The following SLC44A1 variants were observed in gnomAD, a reference collection of about 807,000 sequenced individuals.
SLC44A1 encodes solute carrier family 44 member 1.
Under a neutral mutation model 79.3 loss-of-function variants are expected in SLC44A1, and 26 were observed. The observed-to-expected ratio is 0.33, with a 90% CI of 0.24 to 0.46. The LOEUF is 0.46. Among genes scored for constraint, SLC44A1 ranks in the 20% least tolerant of loss-of-function variants. The probability of loss-of-function intolerance (pLI) is 1.00; values close to 1 mark genes in which losing one functional copy is unlikely to be tolerated. For synonymous variants in SLC44A1, 263 were observed against 286.2 expected (o/e 0.92, Z 0.82); for missense variants, 688 against 798.1 (o/e 0.86, Z 1.66).
At chr9:105,265,931 C>T (rs1360470895) in intron 1 of SLC44A1, among the ~76,000 whole-genome samples, 3 of 151,438 alleles carry the variant, frequency 2.0e-5, no homozygotes, top group Admixed American at 1.3e-4. Context: ...TTGTATCTTT[C>T]GAATTATTGC....
rs571224290 is a variant in SLC44A1, at chr9:105,392,343, T to G, written c.*3287T>G. 202 of 985,030 alleles carry G rather than the reference T, an allele frequency of 2.1e-4. No individual in the cohort carries two copies. Among genetic ancestry groups the G allele is most frequent in the South Asian group, 8.9e-4 (19 of 21,278 alleles). 61.0% of individuals were successfully genotyped at this position (985,030 alleles called of 1,614,324 possible). On this transcript the variant is annotated 3_prime_UTR_variant, in exon 16 of 16. Coordinates refer to ENST00000374720, the MANE Select transcript of SLC44A1 (RefSeq NM_080546.5). ...GTTAAGGAGGAGGCACTTACTGAGT[T>G]TATTTTAAAGTTATGCTAGAAATGT...
chr9:105,256,816 C>G (rs927525501), intron 1 of SLC44A1, among the ~76,000 whole-genome samples: 1 of 144,862 alleles, frequency 6.9e-6, no homozygotes, highest in African/African-American at 2.6e-5. Context: ...GAGATGGACT[C>G]TTGCTGTGTC....
At chr9:105,277,688 C>T (rs1219097686) in intron 1 of SLC44A1, among the ~76,000 whole-genome samples, 4 of 152,166 alleles carry the variant, frequency 2.6e-5, no homozygotes, top group Non-Finnish European at 4.4e-5. Context: ...GGAGTTGGGA[C>T]GGACCAACTA....
intron 1 of SLC44A1, among the ~76,000 whole-genome samples, chr9:105,289,341 T>C (rs1214891293): frequency 6.6e-6 from 1 of 152,222 alleles, no homozygotes; most frequent in Admixed American, 6.5e-5. Context: ...CTGTACACAT[T>C]GTTTTGCATG....
intron 15 of SLC44A1, among the ~76,000 whole-genome samples, chr9:105,433,328 G>A (rs898699697): frequency 7.9e-5 from 12 of 151,774 alleles, no homozygotes; most frequent in Non-Finnish European, 1.3e-4. Context: ...AAAAACTTTC[G>A]CAAATCAGTA....
chr9:105,339,974 AAAGAG>A (rs1295776750), intron 4 of SLC44A1, among the ~76,000 whole-genome samples: 1 of 152,228 alleles, frequency 6.6e-6, no homozygotes, highest in Non-Finnish European at 1.5e-5. Context: ...AGTCAGTCAT[AAAGAG>A]ACTGCATAAT....
intron 15 of SLC44A1, chr9:105,386,387 A>G (rs1329467315): frequency 2.1e-6 from 2 of 975,368 alleles, no homozygotes; most frequent in Non-Finnish European, 2.4e-6. Context: ...AATAATTTTA[A>G]ACAATGTGTC....
At chr9:105,370,035 C>T (rs1828051905) in intron 12 of SLC44A1, among the ~76,000 whole-genome samples, 1 of 152,204 alleles carries the variant, frequency 6.6e-6, no homozygotes, top group African/African-American at 2.4e-5. Context: ...TGAGCGTGGG[C>T]TAAATGTTAA....
intron 3 of SLC44A1, among the ~76,000 whole-genome samples, chr9:105,330,330 T>C (rs1284519498): frequency 2.6e-5 from 4 of 152,236 alleles, no homozygotes; most frequent in Non-Finnish European, 1.5e-5. Context: ...AAAGTTAGGT[T>C]AGTCACCCAG....
intron 1 of SLC44A1, among the ~76,000 whole-genome samples, chr9:105,262,848 T>G (rs1416790000): frequency 1.3e-5 from 2 of 152,236 alleles, no homozygotes; most frequent in African/African-American, 4.8e-5. Context: ...ATACATTTTC[T>G]GTTTATGCTC....
At chr9:105,325,071 G>A (rs748756500) in intron 3 of SLC44A1, among the ~76,000 whole-genome samples, 14 of 152,208 alleles carry the variant, frequency 9.2e-5, no homozygotes, top group Non-Finnish European at 1.5e-4. Flanking sequence ...AGCAGCTGCA[G>A]CATCTAATAG....
chr9:105,269,269 T>A (rs1174593945), intron 1 of SLC44A1, among the ~76,000 whole-genome samples: 1 of 152,186 alleles, frequency 6.6e-6, no homozygotes, highest in African/African-American at 2.4e-5. Flanking sequence ...CTTGATATTA[T>A]TTATCATTTT....
In SLC44A1 at chr9:105,430,736, G is replaced by A. The variant is rs147046912; in HGVS notation, c.1951-7545G>A. On this transcript the variant is annotated intron_variant, in intron 15 of 15. Transcript: ENST00000374724. ...CTGAATAATGCTGCTATGAGCATTC[G>A]TACACAAGTTTTTGTGCGGACATAC... 5.5e-3 allele frequency among the ~76,000 whole-genome samples: 840 copies of A among 152,224 alleles called. 4 individuals are homozygous for A. The highest frequency in any genetic ancestry group is 0.02 in the Middle Eastern group (6 of 294).
chr9:105,305,305 TAGAG>T (rs778998669), intron 2 of SLC44A1, among the ~76,000 whole-genome samples: 30 of 152,170 alleles, frequency 2.0e-4, no homozygotes, highest in Non-Finnish European at 4.0e-4. Context: ...TCCTCATTCT[TAGAG>T]AGAGGCATCC....
downstream of SLC44A1, among the ~76,000 whole-genome samples, chr9:105,401,510 G>A (rs1828957379): frequency 6.6e-6 from 1 of 152,166 alleles, no homozygotes; most frequent in African/African-American, 2.4e-5. Context: ...ACAAATCTAA[G>A]TCAAATCTAA....
At chr9:105,269,250 T>C (rs1320551096) in intron 1 of SLC44A1, among the ~76,000 whole-genome samples, 1 of 152,146 alleles carries the variant, frequency 6.6e-6, no homozygotes, top group Non-Finnish European at 1.5e-5. Flanking sequence ...AATGGCAATA[T>C]CTTTTGGCCT....
intron 1 of SLC44A1, among the ~76,000 whole-genome samples, chr9:105,261,430 C>T (rs371975469): frequency 1.2e-4 from 18 of 152,136 alleles, no homozygotes; most frequent in African/African-American, 4.3e-4. Flanking sequence ...CTGGGTAAAG[C>T]TCCAGTCTTA....
intron 3 of SLC44A1, among the ~76,000 whole-genome samples, chr9:105,316,398 C>A (rs541887539): frequency 6.6e-6 from 1 of 152,114 alleles, no homozygotes; most frequent in African/African-American, 2.4e-5. Flanking sequence ...AAATGAATTG[C>A]AAACCAGTAT....
chr9:105,276,935 C>T (rs976540271), intron 1 of SLC44A1, among the ~76,000 whole-genome samples: 3 of 152,206 alleles, frequency 2.0e-5, no homozygotes, highest in African/African-American at 7.2e-5. Flanking sequence ...GTAATAAGAT[C>T]TGGCTTTCCA....
Sources: gnomAD v4.1 joint callset for allele counts (sites outside exome capture counted in the v4.1 genomes callset) on GRCh38, gnomAD v4.1.1 for gene constraint, MANE v1.5 for transcripts, NCBI Gene and HGNC (gene_info 2026-07-23, HGNC 2026-07-21) for gene names.